The following SKAP2 variants were observed in gnomAD, a reference collection of about 807,000 sequenced individuals.
SKAP2 encodes the protein src kinase associated phosphoprotein 2, also known as src kinase-associated phosphoprotein 2.
A neutral mutation model predicts 54.9 loss-of-function variants in SKAP2; 28 were observed. The ratio of observed to expected loss-of-function variants is 0.51; its 90% CI spans 0.38 to 0.70. The LOEUF (loss-of-function observed/expected upper bound fraction) is 0.70, where lower values mean the gene tolerates loss of function less well. Ranked by LOEUF, SKAP2 falls within the 30% of genes least tolerant of loss-of-function variation. The pLI is 0.00. For missense variants in SKAP2, 356 were observed against 424.1 expected (o/e 0.84, Z 1.41); for synonymous variants, 137 against 134.3 (o/e 1.02, Z -0.14).
intron 4 of SKAP2, among the ~76,000 whole-genome samples, chr7:26,840,014 A>G (rs559998031): frequency 6.6e-6 from 1 of 152,178 alleles, no homozygotes; most frequent in African/African-American, 2.4e-5. Flanking sequence ...ATTATAAATT[A>G]TGATAATAGT....
rs959910727 is a variant in SKAP2 at position 26,668,661 on chromosome 7, T to TG, written c.*1004dup. Reference sequence around the variant, plus strand: ...TTACTTTGAGAATACACTGAGATTCTGTTTTTTTTTTTTTTTTTTTCTGAG... The same window carrying TG: ...TTACTTTGAGAATACACTGAGATTCTGGTTTTTTTTTTTTTTTTTTTCTGAG... On this transcript the variant is annotated 3_prime_UTR_variant, in exon 13 of 13. Transcript: ENST00000345317. 1.5e-4 allele frequency: 18 copies of TG among 123,026 alleles called. No homozygotes were observed. Among genetic ancestry groups the TG allele is most frequent in the Admixed American group, 4.4e-4 (5 of 11,452 alleles). The allele number at this position is 123,026 out of a possible 1,614,324, so 7.6% of individuals were successfully genotyped here. A position where few individuals can be genotyped will look rare whatever the true frequency, so the allele number is the denominator to read the frequency against.
At chr7:26,837,615 C>T (rs532735805) in intron 4 of SKAP2, among the ~76,000 whole-genome samples, 2 of 152,258 alleles carry the variant, frequency 1.3e-5, no homozygotes, top group South Asian at 4.1e-4. Context: ...AAACACCCCC[C>T]AACAGGCCCC....
intron 4 of SKAP2, among the ~76,000 whole-genome samples, chr7:26,828,570 G>C (rs1478009739): frequency 1.3e-5 from 2 of 151,554 alleles, no homozygotes; most frequent in African/African-American, 4.9e-5. Flanking sequence ...CCAGCTACTC[G>C]GGAGGCTGAG....
intron 9 of SKAP2, among the ~76,000 whole-genome samples, chr7:26,703,307 C>G (rs551822087): frequency 2.6e-5 from 4 of 152,248 alleles, no homozygotes; most frequent in African/African-American, 9.6e-5. Flanking sequence ...TCCCTGCATT[C>G]AAAGGATTGG....
chr7:26,768,477 G>T (rs1783114015), intron 4 of SKAP2, among the ~76,000 whole-genome samples: 1 of 152,028 alleles, frequency 6.6e-6, no homozygotes, highest in Admixed American at 6.6e-5. Flanking sequence ...TTAGTATTAT[G>T]TATGAATTTG....
intron 11 of SKAP2, among the ~76,000 whole-genome samples, chr7:26,683,587 AAAC>A (rs1786560700): frequency 6.7e-6 from 1 of 149,020 alleles, no homozygotes. Context: ...ACAGGAAAGA[AAAC>A]AAAGGGAAAA....
chr7:26,778,943 T>TA (rs1783369509), intron 4 of SKAP2, among the ~76,000 whole-genome samples: 1 of 152,022 alleles, frequency 6.6e-6, no homozygotes, highest in South Asian at 2.1e-4. Context: ...GACTATGTAA[T>TA]GTCTGCTTTA....
chr7:26,672,720 G>C (rs1489738375), intron 11 of SKAP2, among the ~76,000 whole-genome samples: 1 of 151,966 alleles, frequency 6.6e-6, no homozygotes, highest in African/African-American at 2.4e-5. Context: ...TTACACTGCA[G>C]CCATTAGAGT....
Position 26,725,966 on chromosome 7 carries a change from T to G in SKAP2, c.615A>C (p.Lys205Asn). The change falls in exon 8 of 13, where the codon AAA (lysine) becomes AAC (asparagine). Residue 205 changes from lysine (K) to asparagine (N), a missense_variant. Physicochemically the swap from Lys to Asn is moderately conservative, Grantham distance 94. Coordinates refer to ENST00000345317, the MANE Select transcript of SKAP2 (RefSeq NM_003930.5). ...RIYQFTAASP[K>N]DAEEWVQQLK... ...GCTGCTGTACCCATTCTTCAGCATC[T>G]TTGGGAGAAGCTGCTGTAAACTAAT... The G allele has an allele frequency of 3.1e-6, 5 of 1,610,952 alleles. No individual in the cohort carries two copies. The highest frequency in any genetic ancestry group is 4.2e-6 in the Non-Finnish European group (5 of 1,178,322).
chr7:26,799,529 G>T (rs1457792324), intron 4 of SKAP2, among the ~76,000 whole-genome samples: 1 of 152,066 alleles, frequency 6.6e-6, no homozygotes, highest in Non-Finnish European at 1.5e-5. Context: ...AAATATATAT[G>T]CACCCAACAC....
the SKAP2 span, among the ~76,000 whole-genome samples, chr7:26,657,381 G>T: frequency 6.6e-6 from 1 of 152,136 alleles, no homozygotes; most frequent in African/African-American, 2.4e-5. Flanking sequence ...AAACCTTCCT[G>T]CTTCCCATCA....
chr7:26,829,497 C>T (rs1396406614), intron 4 of SKAP2, among the ~76,000 whole-genome samples: 1 of 152,042 alleles, frequency 6.6e-6, no homozygotes, highest in East Asian at 1.9e-4. Context: ...GGGCCCTGAT[C>T]ATACCACACT....
intron 1 of SKAP2, among the ~76,000 whole-genome samples, chr7:26,860,455 C>CTA (rs2127999696): frequency 6.6e-6 from 1 of 152,098 alleles, no homozygotes; most frequent in South Asian, 2.1e-4. Flanking sequence ...CTCATATCAA[C>CTA]TTTATGCTCT....
intron 9 of SKAP2, among the ~76,000 whole-genome samples, chr7:26,707,296 G>A (rs1465215901): frequency 2.0e-5 from 3 of 151,854 alleles, no homozygotes; most frequent in Admixed American, 6.6e-5. Flanking sequence ...GGAAGTCGAC[G>A]CTGCAGTGAG....
intron 9 of SKAP2, among the ~76,000 whole-genome samples, chr7:26,714,052 G>T (rs930604224): frequency 6.6e-6 from 1 of 152,174 alleles, no homozygotes; most frequent in Admixed American, 6.5e-5. Flanking sequence ...GAGAGTACTG[G>T]TGACTCTGAA....
rs541704880 is a variant in SKAP2, at chr7:26,757,688, T to A, written c.308-17724A>T. The stretch of plus-strand genomic sequence containing the variant: ...TTTTGGTTCCATATGAACTTTAAAG[T>A]AGTTTTTTCCAATTCTGTGAAGAAA... On this transcript the variant is annotated intron_variant, in intron 4 of 12. Coordinates refer to ENST00000345317, the MANE Select transcript of SKAP2 (RefSeq NM_003930.5). Among the ~76,000 whole-genome samples, 11 of 152,298 alleles carry A rather than the reference T, an allele frequency of 7.2e-5. No individual in the cohort carries two copies. The East Asian group carries it at 2.1e-3, about 29-fold the overall frequency.
chr7:26,751,753 T>C (rs1427679368), intron 4 of SKAP2, among the ~76,000 whole-genome samples: 1 of 152,206 alleles, frequency 6.6e-6, no homozygotes, highest in African/African-American at 2.4e-5. Context: ...TTCTTATCTA[T>C]TATTATTGTT....
At chr7:26,712,342 G>C (rs1336624008) in intron 9 of SKAP2, among the ~76,000 whole-genome samples, 1 of 152,110 alleles carries the variant, frequency 6.6e-6, no homozygotes, top group Non-Finnish European at 1.5e-5. Context: ...TTGATATGAT[G>C]GCCAAAAATT....
At chr7:26,782,757 G>A (rs917405673) in intron 4 of SKAP2, among the ~76,000 whole-genome samples, 2 of 152,126 alleles carry the variant, frequency 1.3e-5, no homozygotes, top group African/African-American at 4.8e-5. Context: ...ACTGCGAATG[G>A]GATTAAAGCC....
Sources: gnomAD v4.1 joint callset for allele counts (sites outside exome capture counted in the v4.1 genomes callset) on GRCh38, gnomAD v4.1.1 for gene constraint, MANE v1.5 for transcripts, NCBI Gene and HGNC (gene_info 2026-07-23, HGNC 2026-07-21) for gene names.